The following DEPDC4 variants were observed in gnomAD, a reference collection of about 807,000 sequenced individuals.
DEPDC4 encodes the protein DEP domain-containing protein 4.
Under a neutral mutation model 52.0 loss-of-function variants are expected in DEPDC4, and 52 were observed. The observed-to-expected ratio is 1.00, with a 90% CI of 0.80 to 1.26. The LOEUF (loss-of-function observed/expected upper bound fraction) is 1.26, where lower values mean the gene tolerates loss of function less well. DEPDC4 is among the 50% of genes most tolerant of loss of function. The pLI, the probability that DEPDC4 is intolerant of heterozygous loss-of-function variation, is 0.00. For missense variants in DEPDC4, 530 were observed against 546.9 expected, an observed-to-expected ratio of 0.97 and a Z score of 0.31; for synonymous variants, 201 against 196.8, an observed-to-expected ratio of 1.02 and a Z score of -0.18.
At position 100,263,822 on chromosome 12, in the gene DEPDC4, T is replaced by C; in HGVS notation, c.229A>G (p.Ile77Val). 6.2e-7 allele frequency: 1 copy of C among 1,614,188 alleles called. No individual in the cohort carries two copies. Among genetic ancestry groups the C allele is most frequent in the Non-Finnish European group, 8.5e-7 (1 of 1,180,024 alleles). The change falls in exon 2 of 10, where the codon ATA becomes GTA. Residue 77 changes from isoleucine to valine, a missense_variant. Ile to Val is a conservative substitution (Grantham distance 29). Coordinates refer to ENST00000550587, the MANE Select transcript of DEPDC4 (RefSeq NM_001364818.2). ...IIHSLQAQVEIKRRRHHLQTY... is the reference protein window; with the variant it reads ...IIHSLQAQVEVKRRRHHLQTY... The stretch of plus-strand genomic sequence containing the variant: ...TGTAAATGATGCCTCCTTCTTTTTA[T>C]TTCCACTTGGGCCTGAAGAGAGTGA...
chr12:100,231,706 G>A (rs888896204), intron 9 of DEPDC4, among the ~76,000 whole-genome samples: 4 of 152,100 alleles, frequency 2.6e-5, no homozygotes, highest in Non-Finnish European at 4.4e-5. Context: ...GCATCCTTGA[G>A]CCATCTTTAA....
intron 7 of DEPDC4, among the ~76,000 whole-genome samples, chr12:100,251,240 C>T (rs2096206484): frequency 6.6e-6 from 1 of 151,890 alleles, no homozygotes; most frequent in Non-Finnish European, 1.5e-5. Context: ...CAGCTAGACA[C>T]ATTTTTAAGC....
At chr12:100,270,086 A>C (rs542281861), upstream of DEPDC4, among the ~76,000 whole-genome samples, 124 of 151,164 alleles carry the variant, frequency 8.2e-4, no homozygotes, top group Admixed American at 7.1e-3. Flanking sequence ...TCCCAGGTTC[A>C]CGCCATTCTC....
downstream of DEPDC4, among the ~76,000 whole-genome samples, chr12:100,239,325 C>T (rs1262542552): frequency 1.3e-5 from 2 of 151,968 alleles, no homozygotes; most frequent in East Asian, 3.9e-4. Flanking sequence ...ATCCACCTGT[C>T]TTGGCCTCTC....
At chr12:100,243,621 G>C (rs35274448) in intron 8 of DEPDC4, among the ~76,000 whole-genome samples, 5,011 of 151,666 alleles carry the variant, frequency 0.033, 167 homozygotes, top group Non-Finnish European at 0.043. Context: ...CCTCCTCCAG[G>C]GCCTGCCTCC....
intron 1 of DEPDC4, among the ~76,000 whole-genome samples, chr12:100,265,967 A>G (rs2096271104): frequency 6.6e-6 from 1 of 152,204 alleles, no homozygotes; most frequent in Non-Finnish European, 1.5e-5. Flanking sequence ...AAAGTTGTGC[A>G]GCCATCACTA....
At chr12:100,240,061 A>G (rs2096152423), downstream of DEPDC4, among the ~76,000 whole-genome samples, 1 of 152,180 alleles carries the variant, frequency 6.6e-6, no homozygotes, top group African/African-American at 2.4e-5. Flanking sequence ...AACTGATGAC[A>G]TCTGTCTAAT....
chr12:100,265,556 T>C (rs1446289790), intron 1 of DEPDC4, among the ~76,000 whole-genome samples: 1 of 151,932 alleles, frequency 6.6e-6, no homozygotes, highest in Non-Finnish European at 1.5e-5. Flanking sequence ...GATCACGCCA[T>C]TGCACTCCAG....
At chr12:100,265,055 T>C (rs778293806) in intron 1 of DEPDC4, among the ~76,000 whole-genome samples, 17 of 152,108 alleles carry the variant, frequency 1.1e-4, no homozygotes, top group Non-Finnish European at 5.9e-5. Context: ...TCCCAGCACT[T>C]TGGGAGGCTG....
rs377024324 is a variant in DEPDC4, at chr12:100,263,727, C to T, written c.324G>A (p.Thr108=). 69 of 1,613,934 alleles carry T rather than the reference C, an allele frequency of 4.3e-5. No individual in the cohort carries two copies. The highest frequency in any genetic ancestry group is 5.0e-5 in the Non-Finnish European group (59 of 1,180,010). Residue 108 remains threonine, a synonymous_variant, in exon 2 of 10, where the codon ACG becomes ACA. Coordinates refer to ENST00000550587, the MANE Select transcript of DEPDC4 (RefSeq NM_001364818.2). Reference sequence around the variant, plus strand: ...AAGAGATGTCATTGCTACTTAGGCACGTGTTTTGCATAAGATGACTTAAGA... The same window carrying T: ...AAGAGATGTCATTGCTACTTAGGCATGTGTTTTGCATAAGATGACTTAAGA... ...DVVLSHLMQN[T]CLSSNDISCL...
chr12:100,265,629 A>T (rs940992387), intron 1 of DEPDC4, among the ~76,000 whole-genome samples: 4 of 152,118 alleles, frequency 2.6e-5, no homozygotes, highest in Non-Finnish European at 5.9e-5. Context: ...ATTATGGTAT[A>T]CCCTTACTAT....
At chr12:100,277,392 C>A in the DEPDC4 span, among the ~76,000 whole-genome samples, 1 of 152,146 alleles carries the variant, frequency 6.6e-6, no homozygotes, top group Non-Finnish European at 1.5e-5. Flanking sequence ...TTGTCTATTT[C>A]TTCTGTCAGT....
At chr12:100,260,269 C>T (rs536515179) in intron 3 of DEPDC4, among the ~76,000 whole-genome samples, 2 of 151,844 alleles carry the variant, frequency 1.3e-5, no homozygotes, top group East Asian at 4.0e-4. Context: ...TATAGGCACG[C>T]ACCACGACAC....
rs1294746934 is a variant in DEPDC4 at position 100,253,683 on chromosome 12, C to T, written c.911G>A (p.Cys304Tyr). 2 of 1,289,616 alleles carry T rather than the reference C, an allele frequency of 1.6e-6. No homozygotes were observed. Among genetic ancestry groups the T allele is most frequent in the Non-Finnish European group, 2.0e-6 (2 of 988,922 alleles). The allele number at this position is 1,289,616 out of a possible 1,614,324, so 79.9% of individuals were successfully genotyped here. A position where few individuals can be genotyped will look rare whatever the true frequency, so the allele number is the denominator to read the frequency against. Reference sequence around the variant, plus strand: ...TAACTGGTCAGGGAAATACTCCAAGCATTCAATTGCTGCATTAAGCCAGTT... The same window carrying T: ...TAACTGGTCAGGGAAATACTCCAAGTATTCAATTGCTGCATTAAGCCAGTT... ...IDNWLNAAIE[C>Y]LEYFPDQLIV... The change falls in exon 5 of 10, where the codon TGC becomes TAC. Residue 304 changes from cysteine to tyrosine, a missense_variant. Transcript: ENST00000550587.
chr12:100,263,670 T>A lies in DEPDC4; in HGVS notation c.381A>T (p.Leu127=), dbSNP rs756120048. The A allele has an allele frequency of 1.9e-6, 3 of 1,613,974 alleles. No homozygotes were observed. The highest frequency in any genetic ancestry group is 1.7e-6 in the Non-Finnish European group (2 of 1,180,012). The change falls in exon 2 of 10, where the codon CTA becomes CTT. Residue 127 remains leucine (L), a synonymous_variant. Transcript: ENST00000550587. The part of the protein sequence containing the change: ...CLKGVHLCQV[L]MNHKVFEPVG... ...CTGGTTCAAATACTTTGTGATTCAT[T>A]AGAACTTGGCAAAGATGAACCCCTT...
chr12:100,269,361 G>A (rs562837026), upstream of DEPDC4, among the ~76,000 whole-genome samples: 2 of 151,906 alleles, frequency 1.3e-5, no homozygotes, highest in South Asian at 4.2e-4. Flanking sequence ...TCATCATTCA[G>A]CTCACTTCAG....
Position 100,241,862 on chromosome 12 carries a change from A to C in DEPDC4, c.*47-17T>G, listed in dbSNP as rs545615213. The C allele has an allele frequency of 2.5e-6, 3 of 1,198,030 alleles. No homozygotes were observed. The highest frequency in any genetic ancestry group is 2.3e-4 in the Middle Eastern group (1 of 4,300). 74.2% of individuals were successfully genotyped at this position (1,198,030 alleles called of 1,614,324 possible). A position where few individuals can be genotyped will look rare whatever the true frequency, so the allele number is the denominator to read the frequency against. On this transcript the variant is annotated splice_polypyrimidine_tract_variant and intron_variant, in intron 9 of 9. Transcript: ENST00000550587. ...ACGTAAAGCCTGGAAAAAAAAAAAA[A>C]AAACAAAAGAAAAAGAAAAGTACCA...
upstream of DEPDC4, chr12:100,267,159 C>A (rs1592916792): frequency 6.8e-7 from 1 of 1,466,138 alleles, no homozygotes; most frequent in Non-Finnish European, 9.3e-7. Flanking sequence ...CGTCATGCCC[C>A]CGGCCGGCAG....
At chr12:100,273,945 T>C in the DEPDC4 span, among the ~76,000 whole-genome samples, 51 of 152,330 alleles carry the variant, frequency 3.3e-4, no homozygotes, top group African/African-American at 1.1e-3. Flanking sequence ...TAGATATGTA[T>C]GGTTTTAAAT....
Sources: allele counts gnomAD v4.1 joint callset (sites outside exome capture counted in the v4.1 genomes callset), GRCh38; gene constraint gnomAD v4.1.1; transcripts MANE v1.5; gene names NCBI Gene and HGNC (gene_info 2026-07-23, HGNC 2026-07-21).